Variants in ANXA13 observed in about 807,000 individuals in gnomAD.
The protein encoded by ANXA13 is annexin A13.
A neutral mutation model predicts 46.6 loss-of-function variants in ANXA13; 36 were observed. The ratio of observed to expected loss-of-function variants is 0.77; its 90% confidence interval spans 0.59 to 1.02. ANXA13 has a LOEUF of 1.02. Ranked by LOEUF, ANXA13 falls within the 50% of genes least tolerant of loss-of-function variation. The pLI, the probability that ANXA13 is intolerant of heterozygous loss-of-function variation, is 0.00. For synonymous variants in ANXA13, 163 were observed against 152.9 expected (o/e 1.07, Z -0.49); for missense variants, 417 against 396.5 (o/e 1.05, Z -0.44).
At chr8:123,724,244 A>C (rs2129929772) in intron 1 of ANXA13, among the ~76,000 whole-genome samples, 1 of 152,324 alleles carries the variant, frequency 6.6e-6, no homozygotes, top group Non-Finnish European at 1.5e-5. Context: ...TTTGAGCTAA[A>C]TAGAGTTTGG....
chr8:123,707,279 T>C (rs905898672), intron 2 of ANXA13, among the ~76,000 whole-genome samples: 3 of 152,206 alleles, frequency 2.0e-5, no homozygotes, highest in Non-Finnish European at 2.9e-5. Context: ...AAGTTGTATG[T>C]GATATTCAGA....
intron 3 of ANXA13, among the ~76,000 whole-genome samples, chr8:123,701,213 A>G (rs6982377): frequency 0.91 from 138,646 of 152,202 alleles, 63,655 homozygotes; most frequent in African/African-American, 0.98. Flanking sequence ...GGTGGCTCAC[A>G]CCTGTAATCC....
At chr8:123,713,310 G>A (rs533913484) in intron 1 of ANXA13, among the ~76,000 whole-genome samples, 69 of 152,328 alleles carry the variant, frequency 4.5e-4, no homozygotes, top group African/African-American at 1.6e-3. Context: ...GTAAAGTCCT[G>A]TTTATATAGT....
At chr8:123,728,376 C>T (rs894965721) in intron 1 of ANXA13, 4 of 152,098 alleles carry the variant, frequency 2.6e-5, no homozygotes, top group South Asian at 2.1e-4. Flanking sequence ...ATTTCTCAAC[C>T]GTGAAAGGAA....
At chr8:123,699,208 G>A (rs570585530) in intron 3 of ANXA13, among the ~76,000 whole-genome samples, 1 of 152,088 alleles carries the variant, frequency 6.6e-6, no homozygotes, top group African/African-American at 2.4e-5. Context: ...TTGAGACAGG[G>A]TGACTTTGTC....
At chr8:123,728,726 A>G (rs558483499) in intron 1 of ANXA13, 1 of 152,286 alleles carries the variant, frequency 6.6e-6, no homozygotes, top group African/African-American at 2.4e-5. Context: ...GCTTTGAGCA[A>G]ATTTCTGTCT....
At chr8:123,695,851 T>C (rs3765204) in intron 4 of ANXA13, 130 bp from the exon 5 acceptor site, 220,904 of 761,038 alleles carry the variant, frequency 0.29, 34,958 homozygotes, top group South Asian at 0.39. Context: ...AAGATGGTCA[T>C]CCCTATAGGT....
intron 1 of ANXA13, among the ~76,000 whole-genome samples, chr8:123,736,609 G>A (rs760957045): frequency 4.6e-5 from 7 of 152,060 alleles, no homozygotes; most frequent in Non-Finnish European, 1.0e-4. Flanking sequence ...TATTTACCTT[G>A]GTCTATTAAT....
intron 1 of ANXA13, among the ~76,000 whole-genome samples, chr8:123,717,082 T>C (rs1813770310): frequency 6.6e-6 from 1 of 152,164 alleles, no homozygotes; most frequent in Non-Finnish European, 1.5e-5. Context: ...AGGAGACAGA[T>C]AAAAACAGCA....
At chr8:123,735,212 A>G (rs368323578) in intron 1 of ANXA13, among the ~76,000 whole-genome samples, 13 of 152,142 alleles carry the variant, frequency 8.5e-5, no homozygotes, top group Admixed American at 5.9e-4. Context: ...TGTCTATTAC[A>G]CTATGTTGAT....
chr8:123,695,603 AG>A, intron 5 of ANXA13, 22 bp from the exon 6 acceptor site: 1 of 1,611,552 alleles, frequency 6.2e-7, no homozygotes, highest in Non-Finnish European at 8.5e-7. Context: ...GTAAACAAGG[AG>A]GGAAGAAAGC....
In ANXA13 at chr8:123,698,443, AC is replaced by A. The variant is rs756238763; in HGVS notation, c.302del (p.Gly101ValfsTer48). 1.2e-6 allele frequency: 2 copies of A among 1,614,066 alleles called. No individual in the cohort carries two copies. The highest frequency in any genetic ancestry group is 1.7e-6 in the Non-Finnish European group (2 of 1,180,012). On this transcript the variant is annotated frameshift_variant, in exon 4 of 11. Coordinates refer to ENST00000419625, the MANE Select transcript of ANXA13 (RefSeq NM_004306.4). LOFTEE classifies it high-confidence loss of function. Reference protein sequence around the residue: ...AARQLQKAMKGLGTDESVLIE... With the variant: ...AARQLQKAMKXLGTDESVLIE... ...TGAGGACGGACTCATCTGTGCCCAGACCCTTCATAGCCTTCTGCAGCTGCCG... is the reference window on the plus strand; with the variant it reads ...TGAGGACGGACTCATCTGTGCCCAGACCTTCATAGCCTTCTGCAGCTGCCG...
At chr8:123,681,414 C>G (rs1813035782) in intron 10 of ANXA13, 55 bp from the exon 11 acceptor site, 2 of 1,562,168 alleles carry the variant, frequency 1.3e-6, no homozygotes, top group African/African-American at 1.4e-5. Context: ...TGTTCACAAA[C>G]AGTGGGCACT....
chr8:123,717,371 A>G (rs1327610257), intron 1 of ANXA13, among the ~76,000 whole-genome samples: 3 of 152,206 alleles, frequency 2.0e-5, no homozygotes, highest in Non-Finnish European at 4.4e-5. Flanking sequence ...TTGCCTTGTG[A>G]TAAGATTTCA....
chr8:123,693,153 C>T, intron 8 of ANXA13, 44 bp downstream of exon 8: 1 of 1,539,988 alleles, frequency 6.5e-7, no homozygotes, highest in Admixed American at 1.7e-5. Flanking sequence ...TAACTTAAGA[C>T]ACTTTCAGAG....
At chr8:123,730,350 CAG>C (rs1224530936) in intron 1 of ANXA13, among the ~76,000 whole-genome samples, 3 of 152,186 alleles carry the variant, frequency 2.0e-5, no homozygotes, top group African/African-American at 7.2e-5. Flanking sequence ...CCAGGGAACT[CAG>C]AAATGCAGAC....
At chr8:123,697,675 C>T (rs1243785906) in intron 4 of ANXA13, among the ~76,000 whole-genome samples, 1 of 152,220 alleles carries the variant, frequency 6.6e-6, no homozygotes. Flanking sequence ...TGGCATTTTC[C>T]TTGCTGGGCT....
intron 7 of ANXA13, 68 bp downstream of exon 7, chr8:123,693,643 T>C (rs1813280883): frequency 7.3e-7 from 1 of 1,366,570 alleles, no homozygotes; most frequent in African/African-American, 1.5e-5. Flanking sequence ...GAAATAAACA[T>C]TTGTTGAAAA....
intron 10 of ANXA13, 142 bp downstream of exon 10, chr8:123,684,468 T>C: frequency 1.6e-6 from 1 of 622,254 alleles, no homozygotes; most frequent in Non-Finnish European, 2.9e-6. Flanking sequence ...CAATGTCTTC[T>C]GCAAATTCTG....
Sources: gnomAD v4.1 joint callset for allele counts (sites outside exome capture counted in the v4.1 genomes callset) on GRCh38, gnomAD v4.1.1 for gene constraint, MANE v1.5 for transcripts, NCBI Gene and HGNC (gene_info 2026-07-23, HGNC 2026-07-21) for gene names.